The following HACE1 variants were observed in gnomAD, a reference collection of about 807,000 sequenced individuals.
HACE1 encodes the protein E3 ubiquitin-protein ligase HACE1.
A neutral mutation model predicts 118.4 loss-of-function variants in HACE1; 73 were observed. The ratio of observed to expected loss-of-function variants is 0.62; its 90% CI spans 0.51 to 0.75. The LOEUF is 0.75. Ranked by LOEUF, HACE1 falls within the 30% of genes least tolerant of loss-of-function variation. The pLI is 0.00. For synonymous variants in HACE1, 368 were observed against 374.8 expected (o/e 0.98, Z 0.21); for missense variants, 749 against 1,102.2 (o/e 0.68, Z 4.54).
At position 104,785,198 on chromosome 6, in the gene HACE1, T is replaced by C. The variant is rs34365906; in HGVS notation, c.1196A>G (p.Asp399Gly). ...TGGAGGAATGGAAGCAGCATCTTGA[T>C]CTTGGCCTTTTTGTTTCAGTAAAAT... ...TSILLKQKGQ[D>G]QDAASIPPFE... Residue 399 changes from aspartate (D) to glycine (G), a missense_variant, in exon 12 of 24, where the codon GAT becomes GGT. Physicochemically the swap from Asp to Gly is moderately conservative, Grantham distance 94. Around this residue, in one of 5 missense-constraint regions of HACE1, gnomAD observed 267 missense variants for 312.2 expected, o/e 0.86. Coordinates refer to ENST00000262903, the MANE Select transcript of HACE1 (RefSeq NM_020771.4). 9.3e-3 allele frequency: 14,952 copies of C among 1,613,882 alleles called. 89 individuals carry two copies. The highest frequency in any genetic ancestry group is 0.012 in the Non-Finnish European group (14,003 of 1,179,774).
At chr6:104,732,946 T>C in intron 22 of HACE1, among the ~76,000 whole-genome samples, 1 of 152,196 alleles carries the variant, frequency 6.6e-6, no homozygotes, top group South Asian at 2.1e-4. Flanking sequence ...TATAAGACAC[T>C]AATGCATAAA....
chr6:104,826,641 T>A (rs75854263), intron 6 of HACE1, among the ~76,000 whole-genome samples: 1 of 152,216 alleles, frequency 6.6e-6, no homozygotes, highest in Non-Finnish European at 1.5e-5. Context: ...ATTTACTAAA[T>A]GCAAACACGT....
chr6:104,822,841 C>G (rs1027297023), intron 6 of HACE1, among the ~76,000 whole-genome samples: 9 of 151,150 alleles, frequency 6.0e-5, no homozygotes, highest in African/African-American at 2.2e-4. Flanking sequence ...TGTACCGTGT[C>G]TCCAAAAAAA....
intron 6 of HACE1, among the ~76,000 whole-genome samples, chr6:104,814,447 A>G (rs1250755851): frequency 7.2e-6 from 1 of 138,874 alleles, no homozygotes; most frequent in Non-Finnish European, 1.5e-5. Context: ...TTATTCAAAT[A>G]GATGGTTATA....
chr6:104,736,929 C>A (rs1485718096), intron 22 of HACE1, among the ~76,000 whole-genome samples: 1 of 151,996 alleles, frequency 6.6e-6, no homozygotes, highest in East Asian at 1.9e-4. Flanking sequence ...CTTCTATTTT[C>A]TCCATTTTCC....
At chr6:104,803,809 G>A (rs1582555817) in intron 7 of HACE1, among the ~76,000 whole-genome samples, 1 of 152,258 alleles carries the variant, frequency 6.6e-6, no homozygotes, top group East Asian at 1.9e-4. Context: ...CGACACAAGA[G>A]AAGGATGCCG....
Position 104,744,553 on chromosome 6 carries a change from C to T in HACE1, c.2401G>A (p.Glu801Lys). The T allele has an allele frequency of 6.2e-7, 1 of 1,604,840 alleles. No individual in the cohort carries two copies. The highest frequency in any genetic ancestry group is 1.1e-5 in the South Asian group (1 of 90,898). The change falls in exon 21 of 24, where the codon GAA becomes AAA. Residue 801 changes from glutamate to lysine, a missense_variant. Physicochemically the swap from Glu to Lys is moderately conservative, Grantham distance 56. Transcript: ENST00000262903. ...IDVSDWIKNTEYTSGYEREDP... is the reference protein window; with the variant it reads ...IDVSDWIKNTKYTSGYEREDP... ...TCTCTTTCATAGCCACTTGTGTATTCTGTATTTTTTATCCAATCACTCACA... is the reference window on the plus strand; with the variant it reads ...TCTCTTTCATAGCCACTTGTGTATTTTGTATTTTTTATCCAATCACTCACA...
rs527485683 is a variant in HACE1 at position 104,800,177 on chromosome 6, A to G, written c.618-3152T>C. Among the ~76,000 whole-genome samples, 32 of 152,142 alleles carry G rather than the reference A, an allele frequency of 2.1e-4. No homozygotes were observed. The East Asian group carries it at 5.1e-3, about 24-fold the overall frequency. On this transcript the variant is annotated intron_variant, in intron 7 of 23. Transcript: ENST00000262903. ...GGCGGGGGTAGGGGCATCTGCCATT[A>G]CTGGGGCTTGAGTAGGTAAACAAAG...
intron 11 of HACE1, among the ~76,000 whole-genome samples, chr6:104,788,344 C>G (rs145082989): frequency 6.6e-6 from 1 of 151,972 alleles, no homozygotes; most frequent in Non-Finnish European, 1.5e-5. Context: ...TTATATTCTA[C>G]ATATAGTAAC....
intron 11 of HACE1, among the ~76,000 whole-genome samples, chr6:104,789,502 A>G (rs1782782962): frequency 6.6e-6 from 1 of 152,046 alleles, no homozygotes; most frequent in Admixed American, 6.5e-5. Flanking sequence ...TCTGGGTTCT[A>G]TTTTTTAAAC....
At chr6:104,840,143 ACT>A (rs564498729) in intron 5 of HACE1, among the ~76,000 whole-genome samples, 1 of 151,890 alleles carries the variant, frequency 6.6e-6, no homozygotes, top group Non-Finnish European at 1.5e-5. Flanking sequence ...GTGCAGGGCA[ACT>A]CTCTCTCTCT....
intron 7 of HACE1, among the ~76,000 whole-genome samples, chr6:104,809,519 A>T (rs1321865668): frequency 6.6e-6 from 1 of 152,174 alleles, no homozygotes; most frequent in Non-Finnish European, 1.5e-5. Flanking sequence ...TGGTTCAAGT[A>T]CAGTGAGCTA....
chr6:104,813,996 C>T lies in HACE1; in HGVS notation c.535-2603G>A, dbSNP rs141575659. On this transcript the variant is annotated intron_variant, in intron 6 of 23. Coordinates refer to ENST00000262903, the MANE Select transcript of HACE1 (RefSeq NM_020771.4). Reference sequence around the variant, plus strand: ...AAATACAATGCAATAAATAAAAATTCAACAGAAGTTTAAAAAGAAAATGTT... The same window carrying T: ...AAATACAATGCAATAAATAAAAATTTAACAGAAGTTTAAAAAGAAAATGTT... 1.2e-3 allele frequency among the ~76,000 whole-genome samples: 169 copies of T among 136,968 alleles called. 24 individuals are homozygous for T. The highest frequency in any genetic ancestry group is 4.5e-3 in the Admixed American group (62 of 13,870). The allele number at this position is 136,968 out of a possible 152,430, so 89.9% of individuals were successfully genotyped here. A position where few individuals can be genotyped will look rare whatever the true frequency, so the allele number is the denominator to read the frequency against.
intron 19 of HACE1, among the ~76,000 whole-genome samples, chr6:104,761,965 T>C (rs187645881): frequency 8.4e-4 from 128 of 152,306 alleles, no homozygotes; most frequent in African/African-American, 3.0e-3. Context: ...TCATCACTGG[T>C]CATTAGAGAA....
intron 19 of HACE1, among the ~76,000 whole-genome samples, chr6:104,760,074 A>G (rs6900606): frequency 0.36 from 54,250 of 152,042 alleles, 9,859 homozygotes; most frequent in African/African-American, 0.43. Flanking sequence ...ACCAACTAAA[A>G]AAAGTCCAGG....
In HACE1 at chr6:104,804,631, G is replaced by C. The variant is rs151307547; in HGVS notation, c.617+6680C>G. ...GAAAGGATTCCCTATTTGATAAATG[G>C]TGCTGGGAAAACTGGCTAGCCATAT... On this transcript the variant is annotated intron_variant, in intron 7 of 23. Transcript: ENST00000262903. Among the ~76,000 whole-genome samples the C allele has an allele frequency of 5.5e-3, 833 of 152,232 alleles. 3 individuals are homozygous for C. The highest frequency in any genetic ancestry group is 0.019 in the African/African-American group (771 of 41,536).
At chr6:104,744,259 A>G (rs1777163425) in intron 21 of HACE1, 29 bp from the exon 22 acceptor site, 4 of 1,375,234 alleles carry the variant, frequency 2.9e-6, no homozygotes, top group Non-Finnish European at 3.1e-6. Flanking sequence ...AACTTAGCTC[A>G]TATTTCAGAG....
At chr6:104,804,145 T>C (rs961103673) in intron 7 of HACE1, among the ~76,000 whole-genome samples, 7 of 152,038 alleles carry the variant, frequency 4.6e-5, no homozygotes, top group Non-Finnish European at 8.8e-5. Context: ...TACCTAGGAA[T>C]CCAACTTACA....
Position 104,796,713 on chromosome 6 carries a change from G to A in HACE1, c.758C>T (p.Pro253Leu), listed in dbSNP as rs760015476. 8.8e-6 allele frequency: 14 copies of A among 1,592,684 alleles called. No homozygotes were observed. The highest frequency in any genetic ancestry group is 1.3e-5 in the African/African-American group (1 of 74,170). The change falls in exon 9 of 24, where the codon CCG becomes CTG. Residue 253 changes from proline (P) to leucine (L), a missense_variant. By Grantham distance (98) the Pro-to-Leu change is moderately conservative. Around this residue, in one of 5 missense-constraint regions of HACE1, gnomAD observed 267 missense variants for 312.2 expected, o/e 0.86. Transcript: ENST00000262903. ...ETCEVLIQYHPRLFQTIIQMT... is the reference protein window; with the variant it reads ...ETCEVLIQYHLRLFQTIIQMT... ...TTGAATAATAGTCTGAAAAAGCCTCGGGTGATATTGAATTAATACTTCACA... is the reference window on the plus strand; with the variant it reads ...TTGAATAATAGTCTGAAAAAGCCTCAGGTGATATTGAATTAATACTTCACA...
Sources: allele counts gnomAD v4.1 joint callset (sites outside exome capture counted in the v4.1 genomes callset), GRCh38; gene constraint gnomAD v4.1.1; regional missense constraint gnomAD v4.1.1; transcripts MANE v1.5; gene names NCBI Gene and HGNC (gene_info 2026-07-23, HGNC 2026-07-21).